STXBP5L: variants seen among roughly 807,000 people sequenced by gnomAD.
STXBP5L encodes syntaxin binding protein 5L, also known as syntaxin-binding protein 5-like.
A neutral mutation model predicts 144.5 loss-of-function variants in STXBP5L; 65 were observed. The ratio of observed to expected loss-of-function variants is 0.45; its 90% confidence interval spans 0.37 to 0.55. The LOEUF (loss-of-function observed/expected upper bound fraction) is 0.55. Among genes scored for constraint, STXBP5L ranks in the 20% least tolerant of loss-of-function variants. The probability of loss-of-function intolerance (pLI) is 0.00; values close to 1 mark genes in which losing one functional copy is unlikely to be tolerated. For missense variants in STXBP5L, 1,298 were observed against 1,405.5 expected (o/e 0.92, Z 1.22); for synonymous variants, 505 against 469.6 (o/e 1.08, Z -0.97).
intron 20 of STXBP5L, among the ~76,000 whole-genome samples, chr3:121,334,796 A>G (rs2044447301): frequency 6.6e-6 from 1 of 152,150 alleles, no homozygotes; most frequent in Admixed American, 6.6e-5. Context: ...ATACTAGGTA[A>G]TGAAGGAATA....
intron 9 of STXBP5L, among the ~76,000 whole-genome samples, chr3:121,194,670 A>G (rs2047850038): frequency 6.6e-6 from 1 of 152,148 alleles, no homozygotes; most frequent in South Asian, 2.1e-4. Flanking sequence ...AATGTTGGGT[A>G]GAATTCAACA....
intron 3 of STXBP5L, among the ~76,000 whole-genome samples, chr3:120,968,524 T>C (rs1939861902): frequency 6.6e-6 from 1 of 152,164 alleles, no homozygotes; most frequent in Non-Finnish European, 1.5e-5. Context: ...GTAGACAGTA[T>C]ATAGTTGGAT....
intron 20 of STXBP5L, among the ~76,000 whole-genome samples, chr3:121,361,290 T>C (rs952605007): frequency 3.3e-5 from 5 of 152,200 alleles, no homozygotes; most frequent in Non-Finnish European, 7.3e-5. Flanking sequence ...TTAAATCTTA[T>C]TGGTGTTCTA....
chr3:121,222,790 C>T (rs1315336538), intron 10 of STXBP5L, among the ~76,000 whole-genome samples: 1 of 152,078 alleles, frequency 6.6e-6, no homozygotes, highest in African/African-American at 2.4e-5. Context: ...TTAGACTGGT[C>T]CATTAGTAAA....
intron 20 of STXBP5L, among the ~76,000 whole-genome samples, chr3:121,348,943 G>C (rs2045138819): frequency 6.6e-6 from 1 of 151,892 alleles, no homozygotes; most frequent in Admixed American, 6.6e-5. Flanking sequence ...AGGGTTTTTT[G>C]TGTGTCTATC....
chr3:121,345,423 A>G (rs2044919515), intron 20 of STXBP5L, among the ~76,000 whole-genome samples: 1 of 151,974 alleles, frequency 6.6e-6, no homozygotes, highest in Admixed American at 6.6e-5. Context: ...GGACATTTGG[A>G]TTGTTTCCAA....
chr3:120,971,376 C>A (rs1222021869), intron 3 of STXBP5L, among the ~76,000 whole-genome samples: 1 of 151,780 alleles, frequency 6.6e-6, no homozygotes, highest in Non-Finnish European at 1.5e-5. Flanking sequence ...CACCCGCACC[C>A]CCCCCAACTC....
intron 9 of STXBP5L, among the ~76,000 whole-genome samples, chr3:121,161,646 G>C (rs1015537797): frequency 6.6e-6 from 1 of 151,884 alleles, no homozygotes; most frequent in African/African-American, 2.4e-5. Flanking sequence ...GCTGGTTGCT[G>C]CTGTTGCTGC....
chr3:120,998,848 T>C (rs1943554288), intron 3 of STXBP5L, among the ~76,000 whole-genome samples: 1 of 152,134 alleles, frequency 6.6e-6, no homozygotes, highest in African/African-American at 2.4e-5. Context: ...TTACAAAATA[T>C]TGCTGAATGA....
At chr3:121,242,971 T>C (rs1273078072) in intron 14 of STXBP5L, among the ~76,000 whole-genome samples, 1 of 152,046 alleles carries the variant, frequency 6.6e-6, no homozygotes, top group African/African-American at 2.4e-5. Context: ...CCAAGAATGG[T>C]CACATTGAAA....
chr3:121,043,515 C>G (rs970730496), intron 4 of STXBP5L, among the ~76,000 whole-genome samples: 6 of 152,044 alleles, frequency 3.9e-5, no homozygotes, highest in Non-Finnish European at 8.8e-5. Context: ...TCAAGACCAT[C>G]CTGGCCAACA....
intron 7 of STXBP5L, among the ~76,000 whole-genome samples, chr3:121,146,710 C>A (rs773037581): frequency 1.3e-5 from 2 of 151,954 alleles, no homozygotes; most frequent in Non-Finnish European, 2.9e-5. Context: ...TCAGAGGATA[C>A]AGACTTTAAG....
chr3:121,165,436 C>G (rs932923360), intron 9 of STXBP5L, among the ~76,000 whole-genome samples: 3 of 152,098 alleles, frequency 2.0e-5, no homozygotes, highest in Non-Finnish European at 4.4e-5. Context: ...AATTTTCATT[C>G]TTTTGTGGTG....
In STXBP5L at chr3:121,028,365, C is replaced by T. The variant is rs551357387; in HGVS notation, c.288-13335C>T. On this transcript the variant is annotated intron_variant, in intron 3 of 26. Transcript: ENST00000471454. Reference sequence around the variant, plus strand: ...TTAGTAATGGAAAAATTAATTGGTACTCTATAACTTGCTTGATCAATGGCT... The same window carrying T: ...TTAGTAATGGAAAAATTAATTGGTATTCTATAACTTGCTTGATCAATGGCT... 8.5e-5 allele frequency among the ~76,000 whole-genome samples: 13 copies of T among 152,064 alleles called. No individual in the cohort carries two copies. The East Asian group carries it at 2.1e-3, about 25-fold the overall frequency.
chr3:121,130,117 C>G (rs2044907909), intron 7 of STXBP5L, among the ~76,000 whole-genome samples: 1 of 152,112 alleles, frequency 6.6e-6, no homozygotes, highest in Admixed American at 6.6e-5. Flanking sequence ...TGTTTGTCTC[C>G]TAAGTCAAAG....
intron 3 of STXBP5L, among the ~76,000 whole-genome samples, chr3:120,992,922 G>C (rs1005034550): frequency 6.6e-6 from 1 of 152,020 alleles, no homozygotes; most frequent in Non-Finnish European, 1.5e-5. Context: ...GCCGCCACCC[G>C]TGTATAAGAG....
chr3:121,407,759 G>A (rs1224197502), intron 23 of STXBP5L, 156 bp downstream of exon 23: 21 of 1,086,014 alleles, frequency 1.9e-5, no homozygotes, highest in Non-Finnish European at 2.7e-5. Flanking sequence ...ACGATTTGAT[G>A]AGAGTTTGGG....
At chr3:121,084,416 T>G (rs9810761) in intron 5 of STXBP5L, among the ~76,000 whole-genome samples, 15,093 of 152,076 alleles carry the variant, frequency 0.099, 1,177 homozygotes, top group Admixed American at 0.2. Context: ...TTCCACGTGT[T>G]TTCATTGTTC....
intron 9 of STXBP5L, among the ~76,000 whole-genome samples, chr3:121,196,066 T>G (rs1464453960): frequency 6.6e-6 from 1 of 152,154 alleles, no homozygotes. Flanking sequence ...TAGGATTTTT[T>G]TTTTCTATTT....
Sources: gnomAD v4.1 joint callset for allele counts (sites outside exome capture counted in the v4.1 genomes callset) on GRCh38, gnomAD v4.1.1 for gene constraint, MANE v1.5 for transcripts, NCBI Gene and HGNC (gene_info 2026-07-23, HGNC 2026-07-21) for gene names.